WWP2: variants seen among roughly 807,000 people sequenced by gnomAD.
WWP2 encodes WW domain containing E3 ubiquitin protein ligase 2.
A neutral mutation model predicts 121.0 loss-of-function variants in WWP2; 57 were observed. That is an observed-to-expected ratio of 0.47 (90% confidence interval 0.38 to 0.59). The LOEUF (loss-of-function observed/expected upper bound fraction) is 0.59, where lower values mean the gene tolerates loss of function less well. WWP2 is among the 20% of genes least tolerant of loss of function. The probability of loss-of-function intolerance (pLI) is 0.00; values close to 1 mark genes in which losing one functional copy is unlikely to be tolerated. For synonymous variants in WWP2, 449 were observed against 441.3 expected (o/e 1.02, Z -0.22); for missense variants, 962 against 1,158.9 (o/e 0.83, Z 2.47).
chr16:69,928,565 C>T (rs1238279894), intron 11 of WWP2, among the ~76,000 whole-genome samples: 1 of 152,046 alleles, frequency 6.6e-6, no homozygotes, highest in Admixed American at 6.6e-5. Flanking sequence ...GTTCCCCAGC[C>T]CCACTCCATG....
At chr16:69,785,868 C>CT (rs2055777276) in intron 1 of WWP2, 2 of 152,282 alleles carry the variant, frequency 1.3e-5, no homozygotes, top group East Asian at 3.9e-4. Flanking sequence ...CTCAGATGAT[C>CT]TACCTGTCTT....
chr16:69,909,768 CTTA>C (rs2058353096), intron 9 of WWP2: 1 of 907,704 alleles, frequency 1.1e-6, no homozygotes. Flanking sequence ...TGAAAATGTT[CTTA>C]TTATTATGGA....
chr16:69,911,507 G>A (rs1339789617), intron 9 of WWP2, among the ~76,000 whole-genome samples: 1 of 152,174 alleles, frequency 6.6e-6, no homozygotes, highest in Non-Finnish European at 1.5e-5. Context: ...ATGCTGGAGT[G>A]GAAGGGTTGT....
rs2058714011 is a variant in WWP2, at chr16:69,931,570, C to T, written c.1583C>T (p.Ser528Phe). The T allele has an allele frequency of 6.2e-7, 1 of 1,613,970 alleles. No homozygotes were observed. The highest frequency in any genetic ancestry group is 8.5e-7 in the Non-Finnish European group (1 of 1,179,990). Reference sequence around the variant, plus strand: ...TCCAGGCAGACGCTTTTCGAAGATTCCTTCCAACAGGTTAGATCATGGTGC... The same window carrying T: ...TCCAGGCAGACGCTTTTCGAAGATTTCTTCCAACAGGTTAGATCATGGTGC... Reference protein sequence around the residue: ...SVSRQTLFEDSFQQIMNMKPY... With the variant: ...SVSRQTLFEDFFQQIMNMKPY... Residue 528 changes from serine to phenylalanine, a missense_variant, in exon 15 of 24, where the codon TCC becomes TTC. Ser to Phe is a radical substitution (Grantham distance 155, BLOSUM62 -2). This residue lies in a region of WWP2 where 606 missense variants were observed against 772.6 expected (regional missense o/e 0.78). Transcript: ENST00000359154.
intron 4 of WWP2, among the ~76,000 whole-genome samples, chr16:69,819,419 G>A (rs1181537505): frequency 1.3e-5 from 2 of 152,068 alleles, no homozygotes; most frequent in African/African-American, 4.8e-5. Flanking sequence ...AGATCCCTCG[G>A]GCCACAGGTC....
At chr16:69,926,401 T>C (rs1442370542) in intron 11 of WWP2, among the ~76,000 whole-genome samples, 1 of 152,002 alleles carries the variant, frequency 6.6e-6, no homozygotes, top group African/African-American at 2.4e-5. Flanking sequence ...TGTTGACAGA[T>C]GGTGTGAAAC....
intron 8 of WWP2, among the ~76,000 whole-genome samples, 154 bp from the exon 9 acceptor site, chr16:69,908,607 C>T (rs1218448153): frequency 1.3e-5 from 2 of 152,266 alleles, no homozygotes; most frequent in African/African-American, 4.8e-5. Context: ...CCCTCAGCCA[C>T]AGCAGGAACT....
At chr16:69,826,862 C>T (rs1350405814) in intron 4 of WWP2, among the ~76,000 whole-genome samples, 2 of 147,962 alleles carry the variant, frequency 1.4e-5, no homozygotes, top group Non-Finnish European at 3.0e-5. Flanking sequence ...TGGTGTGAAC[C>T]CGGTAGGCGG....
chr16:69,798,005 G>T (rs1459769822), intron 2 of WWP2, among the ~76,000 whole-genome samples: 1 of 152,120 alleles, frequency 6.6e-6, no homozygotes, highest in Non-Finnish European at 1.5e-5. Flanking sequence ...GGCATGAGCC[G>T]CCACGCCCGG....
At chr16:69,884,715 A>G (rs1172263864) in intron 7 of WWP2, among the ~76,000 whole-genome samples, 1 of 152,226 alleles carries the variant, frequency 6.6e-6, no homozygotes, top group African/African-American at 2.4e-5. Context: ...ACAAAATGAA[A>G]CCTCATTGTT....
chr16:69,815,238 G>A (rs532088643), intron 4 of WWP2, among the ~76,000 whole-genome samples: 1 of 152,186 alleles, frequency 6.6e-6, no homozygotes, highest in East Asian at 1.9e-4. Context: ...CCTGATCTCA[G>A]GTGATCAGGC....
chr16:69,832,735 G>A (rs2056815075), intron 4 of WWP2, among the ~76,000 whole-genome samples: 1 of 152,162 alleles, frequency 6.6e-6, no homozygotes, highest in Non-Finnish European at 1.5e-5. Context: ...GTAGAGATGG[G>A]GTTTTGCCAT....
chr16:69,912,699 C>G (rs1288284441), intron 9 of WWP2, among the ~76,000 whole-genome samples: 1 of 151,256 alleles, frequency 6.6e-6, no homozygotes, highest in Non-Finnish European at 1.5e-5. Flanking sequence ...GTCTGCAGCC[C>G]TCATCTGAGG....
chr16:69,768,779 A>G (rs551264872), intron 1 of WWP2, among the ~76,000 whole-genome samples: 1 of 152,266 alleles, frequency 6.6e-6, no homozygotes, highest in East Asian at 1.9e-4. Flanking sequence ...CGGGGCTTCC[A>G]ATAGTGTACC....
chr16:69,839,509 G>C (rs2056936359), intron 4 of WWP2, among the ~76,000 whole-genome samples: 1 of 152,154 alleles, frequency 6.6e-6, no homozygotes, highest in African/African-American at 2.4e-5. Flanking sequence ...GGTATCCTTG[G>C]GGACGGGGTG....
intron 1 of WWP2, among the ~76,000 whole-genome samples, chr16:69,777,470 T>G (rs577807055): frequency 1.3e-5 from 2 of 151,908 alleles, no homozygotes; most frequent in South Asian, 4.2e-4. Flanking sequence ...CCAGATAATT[T>G]TTGTGTTTTT....
At chr16:69,784,664 G>A (rs189462709) in intron 1 of WWP2, among the ~76,000 whole-genome samples, 2 of 152,266 alleles carry the variant, frequency 1.3e-5, no homozygotes, top group African/African-American at 2.4e-5. Context: ...AATATTCTGT[G>A]TGCTGAAATG....
At chr16:69,886,755 G>A (rs1339246436) in intron 7 of WWP2, among the ~76,000 whole-genome samples, 1 of 152,154 alleles carries the variant, frequency 6.6e-6, no homozygotes, top group Non-Finnish European at 1.5e-5. Context: ...GCGAGACTGT[G>A]TCTCAAAACA....
At position 69,939,970 on chromosome 16, in the gene WWP2, G is replaced by A. The variant is rs371004702; in HGVS notation, c.*30G>A. On this transcript the variant is annotated 3_prime_UTR_variant, in exon 24 of 24. Coordinates refer to ENST00000359154, the MANE Select transcript of WWP2 (RefSeq NM_001270454.2). Reference sequence around the variant, plus strand: ...GGCCGCCCCTCCCACGCCCCCCAGCGCACATGTAGTCCTGAGTCCTCCCTG... The same window carrying A: ...GGCCGCCCCTCCCACGCCCCCCAGCACACATGTAGTCCTGAGTCCTCCCTG... The A allele has an allele frequency of 5.2e-5, 83 of 1,584,218 alleles. No homozygotes were observed. Among genetic ancestry groups the A allele is most frequent in the Middle Eastern group, 1.7e-4 (1 of 6,026 alleles).
Sources: gnomAD v4.1 joint callset for allele counts (sites outside exome capture counted in the v4.1 genomes callset) on GRCh38, gnomAD v4.1.1 for gene constraint, gnomAD v4.1.1 regional missense constraint, MANE v1.5 for transcripts, NCBI Gene and HGNC (gene_info 2026-07-23, HGNC 2026-07-21) for gene names.